The following IQSEC3 variants were observed in gnomAD, a reference collection of about 807,000 sequenced individuals.
IQSEC3 encodes the protein IQ motif and SEC7 domain-containing protein 3.
IQSEC3 carries 50 observed loss-of-function variants against 105.4 expected under a neutral mutation model. The ratio of observed to expected loss-of-function variants is 0.47; its 90% confidence interval spans 0.38 to 0.60. The LOEUF (loss-of-function observed/expected upper bound fraction) is 0.60, where lower values mean the gene tolerates loss of function less well. Among genes scored for constraint, IQSEC3 ranks in the 20% least tolerant of loss-of-function variants. The pLI, the probability that IQSEC3 is intolerant of heterozygous loss-of-function variation, is 0.00. For synonymous variants in IQSEC3, 708 were observed against 746.0 expected, an observed-to-expected ratio of 0.95 and a Z score of 0.83; for missense variants, 1,415 against 1,630.0, an observed-to-expected ratio of 0.87 and a Z score of 2.27.
intron 3 of IQSEC3, among the ~76,000 whole-genome samples, chr12:130,312 A>G (rs1261606781): frequency 6.6e-6 from 1 of 152,242 alleles, no homozygotes; most frequent in Non-Finnish European, 1.5e-5. Context: ...CCGGGTCTGC[A>G]CAACGTCCCC....
At chr12:131,461 G>A (rs1239200240) in intron 3 of IQSEC3, among the ~76,000 whole-genome samples, 6 of 152,170 alleles carry the variant, frequency 3.9e-5, no homozygotes, top group Non-Finnish European at 1.5e-5. Context: ...GAGCTGACCT[G>A]GGCCATTACT....
chr12:161,318 T>C (rs572615785), intron 7 of IQSEC3, among the ~76,000 whole-genome samples: 60 of 152,326 alleles, frequency 3.9e-4, no homozygotes, highest in African/African-American at 1.4e-3. Flanking sequence ...CTGCCAGTGT[T>C]TTTTTGTTGC....
chr12:164,450 C>T (rs1297932452), intron 9 of IQSEC3, among the ~76,000 whole-genome samples: 6 of 152,086 alleles, frequency 3.9e-5, no homozygotes, highest in Non-Finnish European at 5.9e-5. Context: ...CCCTGGGAGG[C>T]GCCTCCCTCC....
chr12:130,639 G>A (rs1352246962), intron 3 of IQSEC3, among the ~76,000 whole-genome samples: 2 of 152,206 alleles, frequency 1.3e-5, no homozygotes, highest in Admixed American at 6.5e-5. Context: ...GCCATAGCGT[G>A]TCCCCCATGC....
chr12:80,143 T>A (rs1382565899), intron 1 of IQSEC3, among the ~76,000 whole-genome samples: 1 of 152,172 alleles, frequency 6.6e-6, no homozygotes, highest in Non-Finnish European at 1.5e-5. Context: ...GAAGCAGGTA[T>A]GATTGAGCAG....
chr12:172,433 T>C (rs12366364), intron 13 of IQSEC3, among the ~76,000 whole-genome samples: 47,038 of 151,944 alleles, frequency 0.31, 7,815 homozygotes, highest in East Asian at 0.49. Flanking sequence ...TGCCCTGCCC[T>C]GCCCTAGCCT....
chr12:138,368 C>T lies in IQSEC3; in HGVS notation c.1005C>T (p.Phe335=), dbSNP rs564712326. 26 of 1,613,008 alleles carry T rather than the reference C, an allele frequency of 1.6e-5. No homozygotes were observed. The South Asian group carries it at 2.1e-4, about 13-fold the overall frequency. ...GCCAATACCAGCTCAGCAAGAACTT[C>T]GAGAAAATCCGCAACTCGCTTCTGG... is the stretch of plus-strand genomic sequence containing the variant. ...AFRQYQLSKN[F]EKIRNSLLES... is the part of the protein sequence containing the mutation. The change falls in exon 4 of 14, where the codon TTC becomes TTT. Residue 335 remains phenylalanine (F), a synonymous_variant. Transcript: ENST00000538872. The surrounding 1 kb of genome is among the most constrained non-coding windows in gnomAD (Gnocchi z 7.1).
chr12:116,108 C>T lies in IQSEC3; in HGVS notation c.624-9525C>T, dbSNP rs117007220. Among the ~76,000 whole-genome samples the T allele has an allele frequency of 7.1e-3, 1,079 of 152,308 alleles. 8 individuals carry two copies. The highest frequency in any genetic ancestry group is 0.034 in the East Asian group (175 of 5,186). ...GTCCCAAAAGAGAAGATAGTTGCTA[C>T]TTACTAGGGCTTGCCAACCATTGTA... On this transcript the variant is annotated intron_variant, in intron 2 of 13. Transcript: ENST00000538872.
rs749663665 is a variant in IQSEC3 at position 174,758 on chromosome 12, C to G, written c.3274C>G (p.Gln1092Glu). 2.2e-4 allele frequency: 355 copies of G among 1,591,316 alleles called. No homozygotes were observed. The highest frequency in any genetic ancestry group is 7.8e-4 in the Admixed American group (46 of 59,278). ...ACCCACGCCCCCGGGCACCCTGGTG[C>G]AGTGCCAGCAAATTGTCAAGGTCAT... ...PPPTPPGTLV[Q>E]CQQIVKVIVL... is the part of the protein sequence containing the mutation. Residue 1092 changes from glutamine to glutamate, a missense_variant, in exon 14 of 14, where the codon CAG becomes GAG. Transcript: ENST00000538872.
intron 1 of IQSEC3, among the ~76,000 whole-genome samples, chr12:75,614 G>A (rs1464781516): frequency 6.6e-6 from 1 of 152,272 alleles, no homozygotes; most frequent in Non-Finnish European, 1.5e-5. Context: ...GAAGATGTGG[G>A]CAGGAAGAGC....
rs112573405 is a variant in IQSEC3 at position 157,517 on chromosome 12, C to T, written c.2277-11C>T. 2.2e-5 allele frequency: 36 copies of T among 1,602,634 alleles called. No individual in the cohort carries two copies. In the African/African-American group the frequency reaches 2.9e-4, roughly 13 times the overall value. Reference sequence around the variant, plus strand: ...GGCTCAGCGTCCGCTCTGCATCTGACCCCCCCACAGCCAGCGCTACTGCAT... The same window carrying T: ...GGCTCAGCGTCCGCTCTGCATCTGATCCCCCCACAGCCAGCGCTACTGCAT... On this transcript the variant is annotated splice_polypyrimidine_tract_variant and intron_variant, in intron 6 of 13. Coordinates refer to ENST00000538872, the MANE Select transcript of IQSEC3 (RefSeq NM_001170738.2).
chr12:93,238 G>A (rs772417832), intron 1 of IQSEC3, among the ~76,000 whole-genome samples: 21 of 152,192 alleles, frequency 1.4e-4, no homozygotes, highest in Admixed American at 8.5e-4. Context: ...CTTCACTGGG[G>A]TTTGAGGGTG....
At position 169,227 on chromosome 12, in the gene IQSEC3, A is replaced by T; in HGVS notation, c.3064+122A>T. The T allele has an allele frequency of 4.1e-6, 3 of 729,356 alleles. No individual in the cohort carries two copies. The South Asian group carries it at 5.2e-5, about 13-fold the overall frequency. The allele number at this position is 729,356 out of a possible 1,614,324, so 45.2% of individuals were successfully genotyped here. On this transcript the variant is annotated intron_variant, in intron 12 of 13. Transcript: ENST00000538872. ...TCCCGTGGCGTGTTTCTTCCTGCTG[A>T]GGAGCGCCAGGCTTGCCTTCTTTAA...
intron 1 of IQSEC3, among the ~76,000 whole-genome samples, chr12:90,954 A>C (rs550770599): frequency 2.3e-4 from 35 of 152,294 alleles, no homozygotes; most frequent in African/African-American, 8.2e-4. Flanking sequence ...CACCAGCAGT[A>C]GTGATGGTGG....
chr12:139,199 G>T lies in IQSEC3; in HGVS notation c.1836G>T (p.Glu612Asp). 6.3e-7 allele frequency: 1 copy of T among 1,591,770 alleles called. No homozygotes were observed. ...CCAAGTCCGCCAAGTCAGGCTCGGAGGCGTCGGCCTCCGCCTCCAAGGACG... is the reference window on the plus strand; with the variant it reads ...CCAAGTCCGCCAAGTCAGGCTCGGATGCGTCGGCCTCCGCCTCCAAGGACG... ...TSTKSAKSGSEASASASKDAL... is the reference protein window; with the variant it reads ...TSTKSAKSGSDASASASKDAL... Residue 612 changes from glutamate to aspartate, a missense_variant, in exon 4 of 14, where the codon GAG (glutamate) becomes GAT (aspartate). Transcript: ENST00000538872.
intron 5 of IQSEC3, chr12:144,187 G>A (rs1387733881): frequency 1.3e-5 from 2 of 152,220 alleles, no homozygotes; most frequent in Non-Finnish European, 2.9e-5. Context: ...AAGGGCAGGA[G>A]AAGATGGAGA....
chr12:103,524 T>C (rs868981743), intron 2 of IQSEC3, among the ~76,000 whole-genome samples: 2 of 1,242 alleles, frequency 1.6e-3, no homozygotes, highest in African/African-American at 6.8e-3. Flanking sequence ...GGAGGGGAGG[T>C]GGGACTCAGG....
chr12:114,689 G>T (rs1477921461), intron 2 of IQSEC3, among the ~76,000 whole-genome samples: 1 of 152,240 alleles, frequency 6.6e-6, no homozygotes, highest in Non-Finnish European at 1.5e-5. Context: ...ACTGGGATGG[G>T]ATTAAGATCG....
At chr12:126,996 G>A (rs1240050942) in intron 3 of IQSEC3, among the ~76,000 whole-genome samples, 4 of 152,182 alleles carry the variant, frequency 2.6e-5, no homozygotes, top group African/African-American at 9.7e-5. Context: ...ATGTGCACAT[G>A]CCAGGAATGT....
Sources: gnomAD v4.1 joint callset for allele counts (sites outside exome capture counted in the v4.1 genomes callset) on GRCh38, gnomAD v4.1.1 for gene constraint, Gnocchi (gnomAD v3.1) non-coding constraint, MANE v1.5 for transcripts, NCBI Gene and HGNC (gene_info 2026-07-23, HGNC 2026-07-21) for gene names.